Variants in GAK observed in about 807,000 individuals in gnomAD.
The protein encoded by GAK is cyclin G associated kinase, also known as cyclin-G-associated kinase.
GAK carries 79 observed loss-of-function variants against 143.9 expected under a neutral mutation model. That is an observed-to-expected ratio of 0.55 (90% CI 0.46 to 0.66). The LOEUF (loss-of-function observed/expected upper bound fraction) is 0.66, where lower values mean the gene tolerates loss of function less well. Ranked by LOEUF, GAK falls within the 30% of genes least tolerant of loss-of-function variation. The pLI is 0.00. For synonymous variants in GAK, 881 were observed against 765.5 expected (o/e 1.15, Z -2.49); for missense variants, 1,693 against 1,779.7 (o/e 0.95, Z 0.88).
intron 23 of GAK, among the ~76,000 whole-genome samples, chr4:861,693 C>T (rs1375445319): frequency 6.6e-6 from 1 of 152,246 alleles, no homozygotes; most frequent in Non-Finnish European, 1.5e-5. Flanking sequence ...GAATGCCACT[C>T]CAGTGAACAC....
intron 2 of GAK, among the ~76,000 whole-genome samples, chr4:913,135 C>A (rs1577288826): frequency 6.6e-6 from 1 of 152,138 alleles, no homozygotes; most frequent in Admixed American, 6.5e-5. Context: ...CCCACTCATG[C>A]CCACTCTCAA....
At position 932,150 on chromosome 4, in the gene GAK, C is replaced by T. The variant is rs918492224; in HGVS notation, c.38G>A (p.Gly13Asp). The T allele has an allele frequency of 3.8e-6, 6 of 1,584,022 alleles. No individual in the cohort carries two copies. The highest frequency in any genetic ancestry group is 5.1e-6 in the Non-Finnish European group (6 of 1,166,758). The change falls in exon 1 of 28, where the codon GGT becomes GAT. Residue 13 changes from glycine (G) to aspartate (D), a missense_variant. This residue lies in a region of GAK where 871 missense variants were observed against 991.0 expected (regional missense o/e 0.88). Transcript: ENST00000314167. This position sits in a 1 kb window ranked among gnomAD's most constrained non-coding sequence, Gnocchi z 4.0. ...GGAAGCACCGCCCAGGGAGCCTGGA[C>T]CCGCCAAGAAGTCGAGCGCCGACTG... ...LLQSALDFLA[G>D]PGSLGGASGR...
chr4:913,576 A>G (rs1408826843), intron 2 of GAK, 31 bp downstream of exon 2: 3 of 1,562,844 alleles, frequency 1.9e-6, no homozygotes, highest in Non-Finnish European at 2.6e-6. Flanking sequence ...ATACGTCAGA[A>G]ATCCAGAGAA....
intron 4 of GAK, among the ~76,000 whole-genome samples, chr4:909,459 A>G (rs1405816475): frequency 6.6e-6 from 1 of 151,886 alleles, no homozygotes; most frequent in African/African-American, 2.4e-5. Flanking sequence ...GCCGGGTGCG[A>G]CGTGTCAGGG....
chr4:882,864 C>G (rs1383310125), intron 13 of GAK, 45 bp from the exon 14 acceptor site: 1 of 1,593,590 alleles, frequency 6.3e-7, no homozygotes, highest in Non-Finnish European at 8.5e-7. Flanking sequence ...AGGAGCCCCG[C>G]CCCAGCCTTG....
chr4:868,203 T>TC (rs1486065062), intron 20 of GAK, among the ~76,000 whole-genome samples: 2 of 151,870 alleles, frequency 1.3e-5, no homozygotes, highest in Non-Finnish European at 2.9e-5. Flanking sequence ...TGACAGTCTG[T>TC]CCCTCCGCCC....
chr4:897,923 T>TG (rs1373471148), intron 6 of GAK, 110 bp downstream of exon 6: 83 of 1,290,024 alleles, frequency 6.4e-5, no homozygotes, highest in Middle Eastern at 5.5e-4. Flanking sequence ...CACTCCAGCC[T>TG]GGTGACAGAG....
At chr4:915,581 T>G (rs1208933864) in intron 1 of GAK, 1 of 152,062 alleles carries the variant, frequency 6.6e-6, no homozygotes, top group Non-Finnish European at 1.5e-5. Context: ...CAGAGTTGGT[T>G]TAACATTTGA....
intron 18 of GAK, among the ~76,000 whole-genome samples, chr4:874,655 TTTC>T (rs1713456306): frequency 6.6e-6 from 1 of 151,766 alleles, no homozygotes; most frequent in South Asian, 2.1e-4. Context: ...CTGAACCTCT[TTTC>T]TTCTTTTTGT....
chr4:919,196 C>T (rs1437115371), intron 1 of GAK, among the ~76,000 whole-genome samples: 2 of 150,530 alleles, frequency 1.3e-5, no homozygotes, highest in East Asian at 4.0e-4. Context: ...CTCAGTGTTG[C>T]ATGACCTTAG....
Position 866,997 on chromosome 4 carries a change from A to T in GAK, c.2831T>A (p.Leu944Gln), listed in dbSNP as rs1226321746. 1 of 1,498,406 alleles carries T rather than the reference A, an allele frequency of 6.7e-7. No homozygotes were observed. The highest frequency in any genetic ancestry group is 1.4e-5 in the African/African-American group (1 of 71,134). The allele number at this position is 1,498,406 out of a possible 1,614,324, so 92.8% of individuals were successfully genotyped here. ...TCCTCTTGGGGTGCTCTGCACGCTCAGGGGAGGGGCCGGGCTTGCCAGGAG... is the reference window on the plus strand; with the variant it reads ...TCCTCTTGGGGTGCTCTGCACGCTCTGGGGAGGGGCCGGGCTTGCCAGGAG... ...PLLLASPAPPLSVQSTPRGGP... is the reference protein window; with the variant it reads ...PLLLASPAPPQSVQSTPRGGP... Residue 944 changes from leucine to glutamine, a missense_variant, in exon 21 of 28, where the codon CTG (leucine) becomes CAG (glutamine). This residue lies in a region of GAK where 822 missense variants were observed against 788.7 expected (regional missense o/e 1.04). Transcript: ENST00000314167.
At chr4:857,323 T>G (rs368087690) in intron 24 of GAK, among the ~76,000 whole-genome samples, 10 of 152,224 alleles carry the variant, frequency 6.6e-5, no homozygotes, top group African/African-American at 2.4e-4. Context: ...GGTGATAGTA[T>G]GAGCTTCGTA....
intron 1 of GAK, among the ~76,000 whole-genome samples, chr4:920,941 A>G (rs1390234320): frequency 6.6e-6 from 1 of 152,192 alleles, no homozygotes; most frequent in African/African-American, 2.4e-5. Context: ...AATATTTCAT[A>G]ATTTTTAAAG....
intron 24 of GAK, among the ~76,000 whole-genome samples, chr4:855,043 CA>C (rs1235802967): frequency 2.0e-5 from 3 of 152,048 alleles, no homozygotes; most frequent in Non-Finnish European, 4.4e-5. Context: ...GGCTCCATCT[CA>C]AAAAAATAAA....
intron 18 of GAK, among the ~76,000 whole-genome samples, chr4:873,215 C>T (rs1279334471): frequency 6.6e-6 from 1 of 152,224 alleles, no homozygotes; most frequent in Non-Finnish European, 1.5e-5. Flanking sequence ...CAGATGCACC[C>T]CACACATCTG....
At chr4:897,655 AAAAT>A (rs1719048042) in intron 6 of GAK, among the ~76,000 whole-genome samples, 1 of 152,222 alleles carries the variant, frequency 6.6e-6, no homozygotes, top group South Asian at 2.1e-4. Context: ...ACTGCTCTAA[AAAAT>A]AAAGTCTGTT....
At chr4:864,053 C>T (rs1750724609) in intron 23 of GAK, among the ~76,000 whole-genome samples, 1 of 152,088 alleles carries the variant, frequency 6.6e-6, no homozygotes, top group African/African-American at 2.4e-5. Flanking sequence ...AACCAGACTA[C>T]AGTATAATGT....
chr4:862,869 G>C (rs1750544815), intron 23 of GAK, among the ~76,000 whole-genome samples: 1 of 152,342 alleles, frequency 6.6e-6, no homozygotes, highest in African/African-American at 2.4e-5. Flanking sequence ...AGCTCTGACA[G>C]AGACGTACGC....
chr4:902,969 C>CA (rs1331965452), intron 5 of GAK, among the ~76,000 whole-genome samples: 2 of 152,248 alleles, frequency 1.3e-5, no homozygotes, highest in African/African-American at 4.8e-5. Flanking sequence ...CACAACCCGT[C>CA]AGACTATACT....
Sources: gnomAD v4.1 joint callset for allele counts (sites outside exome capture counted in the v4.1 genomes callset) on GRCh38, gnomAD v4.1.1 for gene constraint, gnomAD v4.1.1 regional missense constraint, Gnocchi (gnomAD v3.1) non-coding constraint, MANE v1.5 for transcripts, NCBI Gene and HGNC (gene_info 2026-07-23, HGNC 2026-07-21) for gene names.